The following IQCK variants were observed in gnomAD, a reference collection of about 807,000 sequenced individuals.
IQCK encodes the protein IQ motif containing K, also known as IQ domain-containing protein K.
Under a neutral mutation model 28.1 loss-of-function variants are expected in IQCK, and 29 were observed. That is an observed-to-expected ratio of 1.03 (90% CI 0.77 to 1.41). The LOEUF (loss-of-function observed/expected upper bound fraction) is 1.41, where lower values mean the gene tolerates loss of function less well. Ranked by LOEUF, IQCK falls within the 40% of genes most tolerant of loss-of-function variation. IQCK has a pLI of 0.00. For missense variants in IQCK, 359 were observed against 314.7 expected (o/e 1.14, Z -1.07); for synonymous variants, 113 against 115.1 (o/e 0.98, Z 0.12).
intron 6 of IQCK, among the ~76,000 whole-genome samples, chr16:19,783,281 G>A (rs141335966): frequency 2.0e-3 from 306 of 152,230 alleles, no homozygotes; most frequent in African/African-American, 7.1e-3. Context: ...TTACAGGCGG[G>A]AGCCACCGCG....
intron 6 of IQCK, among the ~76,000 whole-genome samples, chr16:19,768,789 T>TA (rs1250272335): frequency 6.6e-6 from 1 of 152,150 alleles, no homozygotes; most frequent in African/African-American, 2.4e-5. Flanking sequence ...CTCCACCACT[T>TA]ACTGATCCTA....
chr16:19,772,204 T>C (rs765889523), intron 6 of IQCK, among the ~76,000 whole-genome samples: 1 of 152,228 alleles, frequency 6.6e-6, no homozygotes, highest in Non-Finnish European at 1.5e-5. Flanking sequence ...TTCTGAATTA[T>C]GTTAACGCTT....
intron 6 of IQCK, among the ~76,000 whole-genome samples, chr16:19,773,843 G>C (rs1169684683): frequency 6.6e-6 from 1 of 152,222 alleles, no homozygotes; most frequent in Non-Finnish European, 1.5e-5. Flanking sequence ...GATGGAAGGA[G>C]AGAAAAGTTT....
rs1352518864 is a variant in IQCK at position 19,825,825 on chromosome 16, A to T, written c.691-1201A>T. Among the ~76,000 whole-genome samples, 1 of 152,222 alleles carries T rather than the reference A, an allele frequency of 6.6e-6. No individual in the cohort carries two copies. Among genetic ancestry groups the T allele is most frequent in the Non-Finnish European group, 1.5e-5 (1 of 68,042 alleles). Reference sequence around the variant, plus strand: ...TCTAGCACAAAAGTTGGTATGAAGTAAGCAGTCAGTGTTAAATAGAACTGT... The same window carrying T: ...TCTAGCACAAAAGTTGGTATGAAGTTAGCAGTCAGTGTTAAATAGAACTGT... On this transcript the variant is annotated intron_variant, in intron 7 of 7. Coordinates refer to ENST00000564186, the Ensembl canonical transcript of IQCK. This position sits in a 1 kb window ranked among gnomAD's most constrained non-coding sequence, Gnocchi z 4.2.
At chr16:19,858,210 C>T (rs918943315) in exon 10 of IQCK, 2 of 331,620 alleles carry the variant, frequency 6.0e-6, no homozygotes, top group African/African-American at 4.2e-5. Context: ...AGCTCTCTCC[C>T]TTCTCCTCTC....
At chr16:19,754,141 A>G (rs531161193) in intron 4 of IQCK, among the ~76,000 whole-genome samples, 26 of 152,148 alleles carry the variant, frequency 1.7e-4, no homozygotes, top group African/African-American at 6.0e-4. Context: ...ATCTGCACCT[A>G]CTGTCACTTA....
chr16:19,833,799 A>T (rs1054658092), intron 9 of IQCK, among the ~76,000 whole-genome samples: 1 of 152,118 alleles, frequency 6.6e-6, no homozygotes, highest in African/African-American at 2.4e-5. Flanking sequence ...CCTGCTTGTG[A>T]CCTTAGGATT....
chr16:19,796,361 GT>G (rs1433967409), intron 7 of IQCK, among the ~76,000 whole-genome samples: 1 of 97,482 alleles, frequency 1.0e-5, no homozygotes, highest in Non-Finnish European at 1.7e-5. Flanking sequence ...GCTATTTGTA[GT>G]GAACCATTCT....
At chr16:19,752,754 G>A (rs1044898945) in intron 4 of IQCK, among the ~76,000 whole-genome samples, 7 of 152,020 alleles carry the variant, frequency 4.6e-5, no homozygotes, top group African/African-American at 1.5e-4. Context: ...TGTAGAGATG[G>A]GGCTTTGCCA....
chr16:19,744,181 A>G (rs1385386541), intron 4 of IQCK, among the ~76,000 whole-genome samples: 1 of 152,216 alleles, frequency 6.6e-6, no homozygotes, highest in East Asian at 1.9e-4. Context: ...TATATATATC[A>G]TTTTAAATAC....
At chr16:19,832,230 G>C (rs1356187835) in intron 9 of IQCK, among the ~76,000 whole-genome samples, 3 of 151,664 alleles carry the variant, frequency 2.0e-5, no homozygotes, top group Non-Finnish European at 4.4e-5. Flanking sequence ...ACCTATGTGT[G>C]TGTATATATA....
intron 7 of IQCK, among the ~76,000 whole-genome samples, chr16:19,820,315 G>A (rs763893946): frequency 9.9e-5 from 15 of 152,060 alleles, no homozygotes; most frequent in Non-Finnish European, 1.6e-4. Context: ...TCAGGAGTTC[G>A]AGACCAGCCT....
chr16:19,735,412 A>G, exon 4 of IQCK: 1 of 1,614,076 alleles, frequency 6.2e-7, no homozygotes, highest in Non-Finnish European at 8.5e-7. Context: ...CGGAATGGCT[A>G]GCCTGCTTCA....
At chr16:19,743,994 G>A (rs1186463799) in intron 4 of IQCK, among the ~76,000 whole-genome samples, 1 of 152,156 alleles carries the variant, frequency 6.6e-6, no homozygotes, top group Non-Finnish European at 1.5e-5. Flanking sequence ...GTGTGGGTGT[G>A]TGTATAGGTG....
At chr16:19,858,125 GGGCAGCTGGCTGCTACAGTCTCT>G (rs1279283443) in exon 10 of IQCK, 1 of 192,504 alleles carries the variant, frequency 5.2e-6, no homozygotes, top group African/African-American at 2.3e-5. Context: ...GCTCCACGGG[GGGCAGCTGGCTGCTACAGTCTCT>G]TGGCAAAGAT....
intron 4 of IQCK, 37 bp from the exon 5 acceptor site, chr16:19,763,811 G>T: frequency 6.7e-7 from 1 of 1,495,088 alleles, no homozygotes. Flanking sequence ...TAGTGTTTAA[G>T]GGTCAGTTGT....
At chr16:19,764,159 T>A (rs771591255) in intron 6 of IQCK, 47 bp downstream of exon 6, 3 of 1,433,216 alleles carry the variant, frequency 2.1e-6, no homozygotes, top group African/African-American at 2.8e-5. Context: ...AATTTAAGAT[T>A]GTGTTAATAA....
chr16:19,806,096 A>C, intron 7 of IQCK, among the ~76,000 whole-genome samples: 1 of 152,138 alleles, frequency 6.6e-6, no homozygotes, highest in East Asian at 1.9e-4. Context: ...GGCCTCTCTG[A>C]GAAGGTGTTA....
rs561506959 is a variant in IQCK, at chr16:19,728,587, A to G, written c.182-1843A>G. Among the ~76,000 whole-genome samples the G allele has an allele frequency of 2.0e-4, 31 of 152,302 alleles. No homozygotes were observed. In the Middle Eastern group the frequency reaches 0.014, roughly 67 times the overall value. On this transcript the variant is annotated intron_variant, in intron 1 of 7. Transcript: ENST00000564186. ...TTCTATCAAAACCGAAATTCTGTCA[A>G]CAACCAATGAGCTTGGAAAAGTATC...
Sources: allele counts gnomAD v4.1 joint callset (sites outside exome capture counted in the v4.1 genomes callset), GRCh38; gene constraint gnomAD v4.1.1; non-coding constraint Gnocchi (gnomAD v3.1); transcripts MANE v1.5; gene names NCBI Gene and HGNC (gene_info 2026-07-23, HGNC 2026-07-21).